Variants in RPS27A observed in about 807,000 individuals in gnomAD.
RPS27A encodes the protein ubiquitin-ribosomal protein eS31 fusion protein.
Under a neutral mutation model 18.9 loss-of-function variants are expected in RPS27A, and 1 was observed. That is an observed-to-expected ratio of 0.05 (90% CI 0.02 to 0.25). The LOEUF (loss-of-function observed/expected upper bound fraction) is 0.25. Ranked by LOEUF, RPS27A falls within the 10% of genes least tolerant of loss-of-function variation. The pLI, the probability that RPS27A is intolerant of heterozygous loss-of-function variation, is 1.00. For synonymous variants in RPS27A, 77 were observed against 63.7 expected, an observed-to-expected ratio of 1.21 and a Z score of -0.99; for missense variants, 123 against 187.4, an observed-to-expected ratio of 0.66 and a Z score of 2.01.
intron 2 of RPS27A, 161 bp downstream of exon 2, chr2:55,233,033 G>A (rs1675562282): frequency 1.4e-6 from 1 of 719,338 alleles, no homozygotes; most frequent in Non-Finnish European, 2.5e-6. Context: ...CGACCTAGAG[G>A]TGATTTTCGG....
At chr2:55,234,339 C>T (rs1675684419) in intron 4 of RPS27A, 135 bp downstream of exon 4, 2 of 700,712 alleles carry the variant, frequency 2.9e-6, no homozygotes, top group East Asian at 2.7e-5. Flanking sequence ...GCAACCTCCA[C>T]CTCTCAGACT....
chr2:55,234,270 CT>C, intron 4 of RPS27A, 66 bp downstream of exon 4: 2 of 1,213,006 alleles, frequency 1.6e-6, no homozygotes, highest in Non-Finnish European at 2.4e-6. Context: ...TTTTATTTTA[CT>C]TTTTTTGAGA....
chr2:55,232,780 C>G lies in RPS27A; in HGVS notation c.-17-28C>G, dbSNP rs773734998. On this transcript the variant is annotated intron_variant, in intron 1 of 5. Transcript: ENST00000272317. ...CCTTCTCTTGTGATCCCTGACCTAA[C>G]CTGTCTCTTCCTTTTCCTCAACCTC... 17 of 1,577,614 alleles carry G rather than the reference C, an allele frequency of 1.1e-5. No homozygotes were observed. The East Asian group carries it at 3.4e-4, about 31-fold the overall frequency.
intron 2 of RPS27A, 73 bp downstream of exon 2, chr2:55,232,945 C>A: frequency 8.4e-7 from 1 of 1,189,590 alleles, no homozygotes; most frequent in Non-Finnish European, 1.2e-6. Flanking sequence ...ACCGGCGCTG[C>A]TTTCCATGTC....
chr2:55,233,912 C>T (rs547699853), intron 3 of RPS27A: 4 of 620,646 alleles, frequency 6.4e-6, no homozygotes, highest in Non-Finnish European at 1.2e-5. Context: ...TTACAGGTGT[C>T]AGCCACTGCA....
chr2:55,234,083 G>T, intron 3 of RPS27A, 36 bp from the exon 4 acceptor site: 1 of 1,354,432 alleles, frequency 7.4e-7, no homozygotes. Flanking sequence ...CACAGGCTTG[G>T]TGTGCTGTGA....
intron 1 of RPS27A, 28 bp from the exon 2 acceptor site, chr2:55,232,780 C>T (rs773734998): frequency 2.5e-6 from 4 of 1,577,732 alleles, no homozygotes; most frequent in South Asian, 1.1e-5. Flanking sequence ...CCTGACCTAA[C>T]CTGTCTCTTC....
chr2:55,233,142 C>T, intron 2 of RPS27A: 1 of 639,302 alleles, frequency 1.6e-6, no homozygotes. Flanking sequence ...CCGCCGGGTG[C>T]GAGCACGTGT....
At chr2:55,234,777 G>A (rs1290863404) in intron 4 of RPS27A, 54 bp from the exon 5 acceptor site, 5 of 1,603,712 alleles carry the variant, frequency 3.1e-6, no homozygotes, top group African/African-American at 1.3e-5. Context: ...ATAATGTTGG[G>A]TGTGCCCATT....
At chr2:55,233,042 G>C in intron 2 of RPS27A, 170 bp downstream of exon 2, 2 of 704,760 alleles carry the variant, frequency 2.8e-6, no homozygotes, top group African/African-American at 1.8e-5. Context: ...GGTGATTTTC[G>C]GTGGCCAAAG....
intron 4 of RPS27A, 162 bp from the exon 5 acceptor site, chr2:55,234,669 A>T: frequency 3.8e-6 from 3 of 781,690 alleles, no homozygotes; most frequent in Non-Finnish European, 6.3e-6. Flanking sequence ...TGTCCCTATA[A>T]ACTGTCAGTT....
At chr2:55,232,955 C>A (rs1675556390) in intron 2 of RPS27A, 83 bp downstream of exon 2, 1 of 1,131,078 alleles carries the variant, frequency 8.8e-7, no homozygotes, top group Non-Finnish European at 1.3e-6. Context: ...CTTTCCATGT[C>A]TTAGACCATG....
chr2:55,232,595 G>C (rs1675520032), upstream of RPS27A: 1 of 597,958 alleles, frequency 1.7e-6, no homozygotes, highest in South Asian at 1.9e-5. Flanking sequence ...GATTGTCGCT[G>C]GGACGGCAGT....
chr2:55,233,929 C>G (rs1675651088), intron 3 of RPS27A, 190 bp from the exon 4 acceptor site: 3 of 643,382 alleles, frequency 4.7e-6, no homozygotes, highest in Non-Finnish European at 8.5e-6. Flanking sequence ...TGCAGACAAC[C>G]AAGTATTGTC....
chr2:55,235,417 G>A lies in RPS27A; in HGVS notation c.322-11G>A. 6.2e-7 allele frequency: 1 copy of A among 1,611,892 alleles called. No homozygotes were observed. Among genetic ancestry groups the A allele is most frequent in the South Asian group, 1.1e-5 (1 of 90,992 alleles). On this transcript the variant is annotated splice_polypyrimidine_tract_variant and intron_variant, in intron 5 of 5. Transcript: ENST00000272317. ...GTAAAATTATCTTAACAGCAGGTTTGTGCTTTTCAGGTGGATGAGAATGGC... is the reference window on the plus strand; with the variant it reads ...GTAAAATTATCTTAACAGCAGGTTTATGCTTTTCAGGTGGATGAGAATGGC...
chr2:55,233,232 G>GT, intron 2 of RPS27A, 131 bp from the exon 3 acceptor site: 2 of 805,074 alleles, frequency 2.5e-6, no homozygotes, highest in Non-Finnish European at 4.3e-6. Context: ...TGCCCACTGG[G>GT]TGGGTAATAG....
intron 2 of RPS27A, 108 bp from the exon 3 acceptor site, chr2:55,233,255 G>A (rs966206861): frequency 1.1e-6 from 1 of 939,364 alleles, no homozygotes; most frequent in African/African-American, 1.6e-5. Flanking sequence ...CTCTCGAGTA[G>A]GTCTCAGCCC....
intron 2 of RPS27A, 176 bp from the exon 3 acceptor site, chr2:55,233,187 G>C (rs1675579264): frequency 1.4e-6 from 1 of 699,434 alleles, no homozygotes; most frequent in Non-Finnish European, 2.6e-6. Context: ...GGGCTGGGGA[G>C]ATGAAGGTGC....
chr2:55,232,961 C>A, intron 2 of RPS27A, 89 bp downstream of exon 2: 1 of 1,075,316 alleles, frequency 9.3e-7, no homozygotes. Flanking sequence ...ATGTCTTAGA[C>A]CATGATTCCG....
Sources: allele counts gnomAD v4.1 joint callset, GRCh38; gene constraint gnomAD v4.1.1; transcripts MANE v1.5; gene names NCBI Gene and HGNC (gene_info 2026-07-23, HGNC 2026-07-21).